The following USP34 variants were observed in gnomAD, a reference collection of about 807,000 sequenced individuals.
USP34 encodes ubiquitin carboxyl-terminal hydrolase 34.
Under a neutral mutation model 460.3 loss-of-function variants are expected in USP34, and 70 were observed. The ratio of observed to expected loss-of-function variants is 0.15; its 90% CI spans 0.13 to 0.19. The LOEUF is 0.19. USP34 is among the 10% of genes least tolerant of loss of function. USP34 has a pLI of 1.00. For synonymous variants in USP34, 1,647 were observed against 1,405.3 expected, an observed-to-expected ratio of 1.17 and a Z score of -3.85; for missense variants, 3,985 against 4,236.2, an observed-to-expected ratio of 0.94 and a Z score of 1.65.
At chr2:61,409,285 GC>G (rs1219424543) in intron 2 of USP34, among the ~76,000 whole-genome samples, 3 of 151,734 alleles carry the variant, frequency 2.0e-5, no homozygotes, top group African/African-American at 7.3e-5. Flanking sequence ...GGTGGCTCAC[GC>G]CTGTAATCCC....
chr2:61,312,651 A>C (rs1342811035), intron 25 of USP34, among the ~76,000 whole-genome samples: 2 of 152,210 alleles, frequency 1.3e-5, no homozygotes, highest in Non-Finnish European at 2.9e-5. Flanking sequence ...GTTTCCTGTT[A>C]CATATTCAAG....
chr2:61,344,072 G>T, intron 15 of USP34, 43 bp from the exon 16 acceptor site: 1 of 1,581,034 alleles, frequency 6.3e-7, no homozygotes. Flanking sequence ...TTACGAATGT[G>T]AATCTAATTT....
intron 58 of USP34, among the ~76,000 whole-genome samples, chr2:61,229,877 T>A (rs1273535093): frequency 6.6e-6 from 1 of 152,092 alleles, no homozygotes; most frequent in East Asian, 1.9e-4. Flanking sequence ...GTAATACAGA[T>A]GATCAAAAAC....
Position 61,188,103 on chromosome 2 carries a change from C to T in USP34, c.10640G>A (p.Ter3547=). 6.2e-7 allele frequency: 1 copy of T among 1,610,914 alleles called. No homozygotes were observed. Among genetic ancestry groups the T allele is most frequent in the Non-Finnish European group, 8.5e-7 (1 of 1,178,156 alleles). Reference sequence around the variant, plus strand: ...AAAGTAGACATGCTACACCTAATGTCAAGAAGCAGCTTGGTTTCCTTTGCC... The same window carrying T: ...AAAGTAGACATGCTACACCTAATGTTAAGAAGCAGCTTGGTTTCCTTTGCC... The part of the protein sequence containing the change: ...ISGKGNQAAS[*] The change falls in exon 80 of 80, where the codon TGA becomes TAA. Residue 3547 remains the stop codon, a stop_retained_variant. Transcript: ENST00000398571.
chr2:61,470,241 C>A (rs146767716), intron 1 of USP34, among the ~76,000 whole-genome samples: 1,691 of 152,268 alleles, frequency 0.011, 33 homozygotes, highest in African/African-American at 0.038. Context: ...CGCTGGAAAT[C>A]AAAGAGGGCG....
chr2:61,223,136 C>T lies in USP34; in HGVS notation c.7673G>A (p.Arg2558His). ...KGFPFLFQHI[R>H]DGINIRQTCN... The stretch of plus-strand genomic sequence containing the variant: ...AGTTTGTCTTATATTGATGCCATCA[C>T]GAATATGTTGAAACAAGAAGGGAAA... Residue 2558 changes from arginine to histidine, a missense_variant, in exon 64 of 80, where the codon CGT becomes CAT. Arg to His is a conservative substitution (Grantham distance 29, BLOSUM62 0). Transcript: ENST00000398571. The T allele has an allele frequency of 1.2e-6, 2 of 1,613,930 alleles. No homozygotes were observed. The highest frequency in any genetic ancestry group is 1.7e-6 in the Non-Finnish European group (2 of 1,179,910).
chr2:61,456,962 C>G (rs1467258320), intron 1 of USP34, among the ~76,000 whole-genome samples: 2 of 151,940 alleles, frequency 1.3e-5, no homozygotes, highest in Non-Finnish European at 2.9e-5. Flanking sequence ...GCCTGGGCAA[C>G]AGAGCAAGAC....
At chr2:61,396,621 C>G (rs1248761655) in intron 3 of USP34, among the ~76,000 whole-genome samples, 1 of 151,590 alleles carries the variant, frequency 6.6e-6, no homozygotes. Flanking sequence ...CCAGAGTAGC[C>G]GGGATTACAG....
chr2:61,300,843 A>T (rs1690197085), intron 29 of USP34, 108 bp downstream of exon 29: 1 of 731,224 alleles, frequency 1.4e-6, no homozygotes, highest in African/African-American at 1.9e-5. Context: ...AAAGGAGAGA[A>T]AATTATTATA....
At chr2:61,299,574 G>A (rs1690154971) in intron 29 of USP34, among the ~76,000 whole-genome samples, 1 of 151,942 alleles carries the variant, frequency 6.6e-6, no homozygotes, top group Non-Finnish European at 1.5e-5. Flanking sequence ...GCAACATAGA[G>A]AGACCATGTC....
chr2:61,193,746 A>T (rs972078148), intron 75 of USP34, among the ~76,000 whole-genome samples: 2 of 152,202 alleles, frequency 1.3e-5, no homozygotes, highest in African/African-American at 4.8e-5. Context: ...GGAGAAGAAG[A>T]AATATAACAC....
intron 58 of USP34, among the ~76,000 whole-genome samples, chr2:61,231,816 AAT>A (rs1215651832): frequency 2.9e-5 from 3 of 101,962 alleles, no homozygotes; most frequent in Admixed American, 8.6e-5. Context: ...CCTCTAAAAA[AAT>A]ATATATACAT....
At chr2:61,389,060 G>A (rs561433985) in intron 5 of USP34, among the ~76,000 whole-genome samples, 1 of 152,198 alleles carries the variant, frequency 6.6e-6, no homozygotes, top group South Asian at 2.1e-4. Flanking sequence ...CCATCTGCAT[G>A]GTGAAAACAG....
intron 48 of USP34, among the ~76,000 whole-genome samples, chr2:61,251,432 G>T (rs1053047396): frequency 6.6e-6 from 1 of 152,174 alleles, no homozygotes; most frequent in African/African-American, 2.4e-5. Context: ...AATGCAGGTT[G>T]TCTACTAAAG....
At chr2:61,380,962 T>C (rs1287951538) in intron 6 of USP34, among the ~76,000 whole-genome samples, 1 of 152,114 alleles carries the variant, frequency 6.6e-6, no homozygotes, top group Non-Finnish European at 1.5e-5. Context: ...ACCTAGACCA[T>C]CCAGTTTCAG....
chr2:61,362,530 A>T (rs981713852), intron 10 of USP34, among the ~76,000 whole-genome samples: 1 of 152,210 alleles, frequency 6.6e-6, no homozygotes, highest in African/African-American at 2.4e-5. Context: ...TGACCCTAGT[A>T]AAGATTATGC....
intron 5 of USP34, among the ~76,000 whole-genome samples, chr2:61,391,611 G>T (rs1450270053): frequency 6.6e-6 from 1 of 152,062 alleles, no homozygotes; most frequent in African/African-American, 2.4e-5. Flanking sequence ...CCCAAATAGA[G>T]ACCTCACCCT....
intron 10 of USP34, among the ~76,000 whole-genome samples, chr2:61,363,918 AC>A (rs1300756776): frequency 6.6e-6 from 1 of 152,256 alleles, no homozygotes; most frequent in Admixed American, 6.5e-5. Context: ...CACTATCTGT[AC>A]GCAAAACATT....
rs1193122973 is a variant in USP34 at position 61,188,386 on chromosome 2, G to A, written c.10357C>T (p.Leu3453Phe). Residue 3453 changes from leucine (L) to phenylalanine (F), a missense_variant, in exon 80 of 80, where the codon CTC becomes TTC. This residue lies in a region of USP34 where 506 missense variants were observed against 439.0 expected (regional missense o/e 1.15). Transcript: ENST00000398571. ...RYDDCKEFKD[L>F]HCSKDSTLAE... Reference sequence around the variant, plus strand: ...AGGGTAGAATCCTTGGAACAGTGGAGGTCTTTAAATTCTTTACAATCGTCA... The same window carrying A: ...AGGGTAGAATCCTTGGAACAGTGGAAGTCTTTAAATTCTTTACAATCGTCA... 2 of 1,614,046 alleles carry A rather than the reference G, an allele frequency of 1.2e-6. No individual in the cohort carries two copies. The highest frequency in any genetic ancestry group is 1.1e-5 in the South Asian group (1 of 91,070).
Sources: gnomAD v4.1 joint callset for allele counts (sites outside exome capture counted in the v4.1 genomes callset) on GRCh38, gnomAD v4.1.1 for gene constraint, gnomAD v4.1.1 regional missense constraint, MANE v1.5 for transcripts, NCBI Gene and HGNC (gene_info 2026-07-23, HGNC 2026-07-21) for gene names.